Variants in HPS1 observed in about 807,000 individuals in gnomAD.
HPS1 encodes HPS1 biogenesis of lysosomal organelles complex 3 subunit 1.
A neutral mutation model predicts 90.6 loss-of-function variants in HPS1; 59 were observed. The ratio of observed to expected loss-of-function variants is 0.65; its 90% CI spans 0.53 to 0.81. The LOEUF (loss-of-function observed/expected upper bound fraction) is 0.81. Ranked by LOEUF, HPS1 falls within the 30% of genes least tolerant of loss-of-function variation. The pLI is 0.00. For synonymous variants in HPS1, 388 were observed against 384.4 expected, an observed-to-expected ratio of 1.01 and a Z score of -0.11; for missense variants, 849 against 896.7, an observed-to-expected ratio of 0.95 and a Z score of 0.68.
intron 3 of HPS1, among the ~76,000 whole-genome samples, chr10:98,440,799 C>T (rs928369609): frequency 1.3e-5 from 2 of 151,594 alleles, no homozygotes; most frequent in East Asian, 1.9e-4. Context: ...TTCAGGAGTT[C>T]GTTCCTTTGC....
intron 18 of HPS1, among the ~76,000 whole-genome samples, 163 bp downstream of exon 18, chr10:98,419,882 G>A (rs574036584): frequency 1.3e-5 from 2 of 152,380 alleles, no homozygotes; most frequent in Non-Finnish European, 2.9e-5. Flanking sequence ...ACGCCCATGT[G>A]AAAATGTGAC....
intron 6 of HPS1, 37 bp from the exon 7 acceptor site, chr10:98,431,328 C>T (rs1207045579): frequency 6.2e-7 from 1 of 1,608,958 alleles, no homozygotes. Flanking sequence ...GCCATATCAC[C>T]AACAACCTTG....
chr10:98,422,066 A>G (rs2136119958), intron 17 of HPS1, among the ~76,000 whole-genome samples: 1 of 152,236 alleles, frequency 6.6e-6, no homozygotes, highest in East Asian at 1.9e-4. Context: ...CAAAAATACA[A>G]CTTTGTCATG....
At chr10:98,414,958 G>A, downstream of HPS1, 1 of 1,592,086 alleles carries the variant, frequency 6.3e-7, no homozygotes, top group Middle Eastern at 1.7e-4. Flanking sequence ...GCTCTGAGCA[G>A]GGCTGTCTTC....
In HPS1 at chr10:98,418,181, T is replaced by C. The variant is rs747421186; in HGVS notation, c.1934A>G (p.Tyr645Cys). The C allele has an allele frequency of 1.2e-6, 2 of 1,603,974 alleles. No individual in the cohort carries two copies. Among genetic ancestry groups the C allele is most frequent in the Admixed American group, 3.4e-5 (2 of 59,482 alleles). Reference sequence around the variant, plus strand: ...GCTCCCAACGCAGCGTCACCTGTAGTAGTCTCCTCCCAGCATGCCGATAGG... The same window carrying C: ...GCTCCCAACGCAGCGTCACCTGTAGCAGTCTCCTCCCAGCATGCCGATAGG... ...SVPIGMLGGD[Y>C]YRKLLRYYSK... The change falls in exon 19 of 20, where the codon TAC (tyrosine) becomes TGC (cysteine). Residue 645 changes from tyrosine to cysteine, a missense_variant. Tyr to Cys is a radical substitution (Grantham distance 194). Transcript: ENST00000361490.
chr10:98,422,369 C>G lies in HPS1; in HGVS notation c.1743G>C (p.Lys581Asn). The G allele has an allele frequency of 6.2e-7, 1 of 1,613,544 alleles. No individual in the cohort carries two copies. Residue 581 changes from lysine to asparagine, a missense_variant and splice_region_variant, in exon 17 of 20, where the codon AAG becomes AAC. Transcript: ENST00000361490. ...KGPLAAFVKTKVWSLIQLARR... is the reference protein window; with the variant it reads ...KGPLAAFVKTNVWSLIQLARR... ...CCCCGCCCTGGGTCCAAATGGTTACCTTAGTTTTGACAAAGGCAGCCAGCG... is the reference window on the plus strand; with the variant it reads ...CCCCGCCCTGGGTCCAAATGGTTACGTTAGTTTTGACAAAGGCAGCCAGCG...
downstream of HPS1, chr10:98,414,950 T>G (rs1262608813): frequency 2.6e-6 from 4 of 1,566,002 alleles, no homozygotes; most frequent in African/African-American, 4.1e-5. Flanking sequence ...CCCACCAAGC[T>G]CTGAGCAGGG....
intron 16 of HPS1, 89 bp downstream of exon 16, chr10:98,423,514 T>C: frequency 8.2e-7 from 1 of 1,226,650 alleles, no homozygotes; most frequent in African/African-American, 1.5e-5. Flanking sequence ...CCCCCTTCCC[T>C]GGGGCCCATA....
At chr10:98,443,073 G>C (rs370433396) in intron 3 of HPS1, 51 bp downstream of exon 3, 35 of 1,286,344 alleles carry the variant, frequency 2.7e-5, no homozygotes, top group Non-Finnish European at 3.7e-5. Flanking sequence ...TGGGAGTTTT[G>C]TATGGTTCCT....
chr10:98,435,650 C>G lies in HPS1; in HGVS notation c.240G>C (p.Leu80=), dbSNP rs201449952. Residue 80 remains leucine, a synonymous_variant, in exon 4 of 20, where the codon CTG becomes CTC. Transcript: ENST00000361490. This position sits in a 1 kb window ranked among gnomAD's most constrained non-coding sequence, Gnocchi z 4.3. ...ATAGACTCACCAGGTGAAGGACATA[C>G]AGGAAGTTGCCATTTTCCGTGGAGA... ...TCFSTENGNF[L]YVLHLFGECL... 1 of 1,614,170 alleles carries G rather than the reference C, an allele frequency of 6.2e-7. No individual in the cohort carries two copies. Among genetic ancestry groups the G allele is most frequent in the South Asian group, 1.1e-5 (1 of 91,076 alleles).
chr10:98,437,635 G>A (rs2136276743), intron 3 of HPS1, among the ~76,000 whole-genome samples: 1 of 152,342 alleles, frequency 6.6e-6, no homozygotes, highest in East Asian at 1.9e-4. Context: ...GCCTAGGTGT[G>A]TAGTTGGCTA....
intron 2 of HPS1, 120 bp from the exon 3 acceptor site, chr10:98,443,360 G>A: frequency 1.3e-6 from 1 of 796,118 alleles, no homozygotes; most frequent in South Asian, 1.3e-5. Context: ...TGCACACCAG[G>A]CATCACAAGG....
intron 17 of HPS1, among the ~76,000 whole-genome samples, chr10:98,422,100 G>C (rs1844957219): frequency 6.6e-6 from 1 of 152,062 alleles, no homozygotes; most frequent in Non-Finnish European, 1.5e-5. Context: ...TAAATAAGGA[G>C]AATAAAAGAA....
At chr10:98,442,705 G>A (rs958750601) in intron 3 of HPS1, 12 of 253,908 alleles carry the variant, frequency 4.7e-5, no homozygotes, top group South Asian at 3.8e-4. Flanking sequence ...ACAGGGTTTC[G>A]CCATGCTGCC....
chr10:98,424,304 A>G lies in HPS1; in HGVS notation c.1397+9T>C. 1 of 1,609,586 alleles carries G rather than the reference A, an allele frequency of 6.2e-7. No homozygotes were observed. Among genetic ancestry groups the G allele is most frequent in the Non-Finnish European group, 8.5e-7 (1 of 1,177,152 alleles). The stretch of plus-strand genomic sequence containing the variant: ...CGACCCACCCCTTGTCCTGAGGCCC[A>G]CCACTCACTCCCAGGAGGATCCGGG... On this transcript the variant is annotated intron_variant, in intron 14 of 19. Transcript: ENST00000361490.
intron 2 of HPS1, among the ~76,000 whole-genome samples, chr10:98,443,700 C>T (rs1938876973): frequency 6.6e-6 from 1 of 151,504 alleles, no homozygotes. Flanking sequence ...GGTGCACCTC[C>T]ATCTCTGGGC....
rs142333042 is a variant in HPS1 at position 98,429,864 on chromosome 10, C to T, written c.794G>A (p.Ser265Asn). The change falls in exon 9 of 20, where the codon AGC becomes AAC. Residue 265 changes from serine (S) to asparagine (N), a missense_variant. Ser to Asn is a conservative substitution (Grantham distance 46). Transcript: ENST00000361490. ...GGCCTGCTGCACGGGGATGTTCTGGCTGCTCCGGGCCCTCCGCGGGGAAGG... is the reference window on the plus strand; with the variant it reads ...GGCCTGCTGCACGGGGATGTTCTGGTTGCTCCGGGCCCTCCGCGGGGAAGG... ...IQPSPRRARS[S>N]QNIPVQQAWS... The T allele has an allele frequency of 9.3e-6, 15 of 1,612,796 alleles. No individual in the cohort carries two copies. Among genetic ancestry groups the T allele is most frequent in the Non-Finnish European group, 1.2e-5 (14 of 1,179,994 alleles).
chr10:98,432,703 T>G (rs1486711841), intron 6 of HPS1, among the ~76,000 whole-genome samples: 2 of 152,268 alleles, frequency 1.3e-5, no homozygotes, highest in Admixed American at 1.3e-4. Flanking sequence ...AAATATTTCA[T>G]AGTTATTTTA....
chr10:98,420,262 T>A (rs2136104531), intron 17 of HPS1, 104 bp from the exon 18 acceptor site: 1 of 821,888 alleles, frequency 1.2e-6, no homozygotes, highest in East Asian at 2.5e-5. Context: ...GCTCCGTGAG[T>A]GCCAGGGGCC....
Sources: allele counts gnomAD v4.1 joint callset (sites outside exome capture counted in the v4.1 genomes callset), GRCh38; gene constraint gnomAD v4.1.1; non-coding constraint Gnocchi (gnomAD v3.1); transcripts MANE v1.5; gene names NCBI Gene and HGNC (gene_info 2026-07-23, HGNC 2026-07-21).